The following SASH1 variants were observed in gnomAD, a reference collection of about 807,000 sequenced individuals.
SASH1 encodes the protein SAM and SH3 domain containing 1.
A neutral mutation model predicts 125.2 loss-of-function variants in SASH1; 44 were observed. The ratio of observed to expected loss-of-function variants is 0.35; its 90% CI spans 0.28 to 0.45. The LOEUF (loss-of-function observed/expected upper bound fraction) is 0.45. Among genes scored for constraint, SASH1 ranks in the 20% least tolerant of loss-of-function variants. SASH1 has a pLI of 1.00. For synonymous variants in SASH1, 639 were observed against 649.1 expected (o/e 0.98, Z 0.24); for missense variants, 1,426 against 1,614.5 (o/e 0.88, Z 2.00).
intron 7 of SASH1, among the ~76,000 whole-genome samples, chr6:148,474,636 A>G (rs1389503542): frequency 1.3e-5 from 2 of 152,148 alleles, no homozygotes; most frequent in East Asian, 1.9e-4. Flanking sequence ...CAGTGGTGCA[A>G]TCACAACTCA....
chr6:148,336,677 A>G (rs964114507), intron 1 of SASH1, among the ~76,000 whole-genome samples: 7 of 152,218 alleles, frequency 4.6e-5, no homozygotes, highest in Admixed American at 3.9e-4. Flanking sequence ...ATTTGATTGG[A>G]TATAATTACA....
chr6:148,335,300 GA>G (rs1233690813), intron 1 of SASH1, among the ~76,000 whole-genome samples: 3,390 of 130,744 alleles, frequency 0.026, 39 homozygotes, highest in Non-Finnish European at 0.032. Context: ...TCTGTCTCAG[GA>G]AAAAAAAAAA....
rs145692228 is a variant in SASH1, at chr6:148,286,309, G to A, written n.74+13932G>A. Among the ~76,000 whole-genome samples the A allele has an allele frequency of 4.5e-3, 690 of 152,094 alleles. 8 individuals carry two copies. The highest frequency in any genetic ancestry group is 0.016 in the African/African-American group (650 of 41,484). On this transcript the variant is annotated intron_variant and non_coding_transcript_variant, in intron 1 of 3. Transcript: ENST00000367469. ...CCAGCTACTCGGGAGGCAGAGGCAG[G>A]AGAATCACTTGAACCTGGGAGGCGG...
the SASH1 span, among the ~76,000 whole-genome samples, chr6:148,226,818 C>T: frequency 5.9e-5 from 9 of 152,130 alleles, no homozygotes; most frequent in South Asian, 2.1e-4. Flanking sequence ...GCAACCTCTC[C>T]GGAAGCTGGG....
the SASH1 span, among the ~76,000 whole-genome samples, chr6:148,234,213 A>C: frequency 1.3e-5 from 2 of 151,998 alleles, no homozygotes; most frequent in African/African-American, 2.4e-5. Context: ...CCTACCACTT[A>C]GGCTAATTGC....
intron 1 of SASH1, among the ~76,000 whole-genome samples, chr6:148,384,599 C>T (rs1783284817): frequency 6.6e-6 from 1 of 152,136 alleles, no homozygotes; most frequent in Non-Finnish European, 1.5e-5. Flanking sequence ...TTTAAATTTC[C>T]TGCAGACTCA....
chr6:148,283,789 C>T (rs562719567), intron 1 of SASH1, among the ~76,000 whole-genome samples: 62 of 152,022 alleles, frequency 4.1e-4, no homozygotes, highest in Non-Finnish European at 5.7e-4. Context: ...AATGAGTACT[C>T]CCCACTTGTG....
intron 1 of SASH1, among the ~76,000 whole-genome samples, chr6:148,370,592 G>A (rs916612989): frequency 6.6e-6 from 1 of 152,126 alleles, no homozygotes; most frequent in Admixed American, 6.5e-5. Context: ...GGGAAGCCAA[G>A]GTGGGCAGAT....
intron 5 of SASH1, among the ~76,000 whole-genome samples, chr6:148,470,594 T>C (rs993107827): frequency 3.9e-5 from 6 of 152,240 alleles, no homozygotes; most frequent in African/African-American, 1.4e-4. Flanking sequence ...GTATTACGTG[T>C]TATCAATGAT....
intron 4 of SASH1, among the ~76,000 whole-genome samples, chr6:148,455,590 G>A (rs929980226): frequency 6.6e-6 from 1 of 152,192 alleles, no homozygotes; most frequent in Non-Finnish European, 1.5e-5. Flanking sequence ...TGTGGAGGGC[G>A]CATGGAAGTG....
chr6:148,220,797 C>T, the SASH1 span, among the ~76,000 whole-genome samples: 1 of 152,246 alleles, frequency 6.6e-6, no homozygotes, highest in Admixed American at 6.5e-5. Flanking sequence ...GCCTGTAGTC[C>T]CAGCTACTCT....
intron 2 of SASH1, among the ~76,000 whole-genome samples, chr6:148,418,799 G>A (rs1784928631): frequency 6.8e-6 from 1 of 147,624 alleles, no homozygotes; most frequent in South Asian, 2.2e-4. Flanking sequence ...GGAAGGCCCA[G>A]GAGGAGGCAG....
chr6:148,537,550 A>G (rs939921859), intron 16 of SASH1, among the ~76,000 whole-genome samples: 6 of 150,900 alleles, frequency 4.0e-5, no homozygotes, highest in African/African-American at 7.2e-5. Flanking sequence ...AGGAAAAGAA[A>G]ACAAACAAAC....
At chr6:148,283,778 A>C (rs1037932585) in intron 1 of SASH1, among the ~76,000 whole-genome samples, 4 of 152,096 alleles carry the variant, frequency 2.6e-5, no homozygotes, top group Non-Finnish European at 5.9e-5. Flanking sequence ...GTCTCAAAAA[A>C]AATGAGTACT....
At chr6:148,345,044 G>A (rs1278126905) in intron 1 of SASH1, among the ~76,000 whole-genome samples, 2 of 152,172 alleles carry the variant, frequency 1.3e-5, no homozygotes, top group African/African-American at 4.8e-5. Flanking sequence ...GTGAGCCACC[G>A]CGCCCGATAG....
chr6:148,461,129 G>C (rs1470170114), intron 4 of SASH1, among the ~76,000 whole-genome samples: 1 of 152,192 alleles, frequency 6.6e-6, no homozygotes, highest in Admixed American at 6.5e-5. Context: ...AGTCCATTAA[G>C]GGGTACTGTT....
chr6:148,390,408 T>A (rs1783653875), intron 2 of SASH1, 146 bp downstream of exon 2: 1 of 771,750 alleles, frequency 1.3e-6, no homozygotes, highest in Non-Finnish European at 2.0e-6. Flanking sequence ...TTCAGGTCCC[T>A]AAAAGACTGG....
At chr6:148,383,386 T>C (rs1783231594) in intron 1 of SASH1, among the ~76,000 whole-genome samples, 1 of 152,172 alleles carries the variant, frequency 6.6e-6, no homozygotes, top group African/African-American at 2.4e-5. Flanking sequence ...AATGTAAATA[T>C]AACAGAATTT....
chr6:148,459,653 T>C (rs577486724), intron 4 of SASH1, among the ~76,000 whole-genome samples: 2 of 152,222 alleles, frequency 1.3e-5, no homozygotes, highest in African/African-American at 4.8e-5. Context: ...GAAGTATATT[T>C]GAAGAAGGAC....
Sources: allele counts gnomAD v4.1 joint callset (sites outside exome capture counted in the v4.1 genomes callset), GRCh38; gene constraint gnomAD v4.1.1; transcripts MANE v1.5; gene names NCBI Gene and HGNC (gene_info 2026-07-23, HGNC 2026-07-21).